Variants in GRM8 observed in about 807,000 individuals in gnomAD.
GRM8 encodes the protein glutamate metabotropic receptor 8.
GRM8 carries 47 observed loss-of-function variants against 87.2 expected under a neutral mutation model. The ratio of observed to expected loss-of-function variants is 0.54; its 90% CI spans 0.43 to 0.69. The LOEUF is 0.69. Among genes scored for constraint, GRM8 ranks in the 30% least tolerant of loss-of-function variants. GRM8 has a pLI of 0.00. For synonymous variants in GRM8, 396 were observed against 404.5 expected, an observed-to-expected ratio of 0.98 and a Z score of 0.25; for missense variants, 1,019 against 1,139.2, an observed-to-expected ratio of 0.89 and a Z score of 1.52.
chr7:127,221,602 G>C (rs10275104), intron 2 of GRM8, among the ~76,000 whole-genome samples: 4,323 of 152,212 alleles, frequency 0.028, 206 homozygotes, highest in African/African-American at 0.098. Context: ...CTCAGAATGG[G>C]CCTCACCTGA....
At chr7:126,795,517 C>A (rs1379306351) in intron 6 of GRM8, among the ~76,000 whole-genome samples, 1 of 152,014 alleles carries the variant, frequency 6.6e-6, no homozygotes, top group African/African-American at 2.4e-5. Flanking sequence ...CAGCTAAATT[C>A]TTTTATAATT....
intron 2 of GRM8, among the ~76,000 whole-genome samples, chr7:127,141,969 A>C (rs1215446908): frequency 2.0e-5 from 3 of 151,850 alleles, no homozygotes; most frequent in Non-Finnish European, 4.4e-5. Context: ...ATACTAGTTG[A>C]CTTGTCTGTT....
intron 7 of GRM8, among the ~76,000 whole-genome samples, chr7:126,634,201 T>A (rs1230266539): frequency 6.6e-6 from 1 of 152,158 alleles, no homozygotes; most frequent in Non-Finnish European, 1.5e-5. Flanking sequence ...TTAAGATTGA[T>A]TAGAAGTGTT....
chr7:127,210,892 G>C (rs549754356), intron 2 of GRM8, among the ~76,000 whole-genome samples: 1 of 152,312 alleles, frequency 6.6e-6, no homozygotes, highest in East Asian at 1.9e-4. Flanking sequence ...TAGGTACCAA[G>C]TTACTATAGG....
intron 3 of GRM8, among the ~76,000 whole-genome samples, chr7:127,019,060 G>T (rs1415211647): frequency 6.6e-6 from 1 of 151,970 alleles, no homozygotes; most frequent in Non-Finnish European, 1.5e-5. Flanking sequence ...TATTGTTAAG[G>T]AAGTGATCAA....
At chr7:126,853,189 G>T (rs951434962) in intron 6 of GRM8, among the ~76,000 whole-genome samples, 1 of 152,272 alleles carries the variant, frequency 6.6e-6, no homozygotes, top group East Asian at 1.9e-4. Context: ...TGGCCTTAGA[G>T]GATGAAAGAA....
chr7:127,245,035 A>G (rs1294969410), intron 1 of GRM8, among the ~76,000 whole-genome samples: 3 of 152,164 alleles, frequency 2.0e-5, no homozygotes, highest in Admixed American at 1.3e-4. Context: ...AGTCCCTCAC[A>G]CTGGATTCTC....
chr7:126,526,001 T>C (rs192795962), intron 9 of GRM8, among the ~76,000 whole-genome samples: 1 of 152,298 alleles, frequency 6.6e-6, no homozygotes, highest in Non-Finnish European at 1.5e-5. Flanking sequence ...TTAAGGTAGG[T>C]GGTACTAACC....
intron 7 of GRM8, among the ~76,000 whole-genome samples, chr7:126,683,052 A>AC (rs1283236897): frequency 6.6e-6 from 1 of 152,198 alleles, no homozygotes; most frequent in African/African-American, 2.4e-5. Flanking sequence ...CTGTCTCAAA[A>AC]AAAACAAAAC....
At chr7:126,983,090 G>C (rs1481115417) in intron 3 of GRM8, among the ~76,000 whole-genome samples, 2 of 152,158 alleles carry the variant, frequency 1.3e-5, no homozygotes, top group Non-Finnish European at 2.9e-5. Flanking sequence ...TGACTTAAAG[G>C]TAGGAGGAGC....
At chr7:127,098,908 GTGTGCTGCCATAC>G (rs1181884978) in intron 3 of GRM8, among the ~76,000 whole-genome samples, 4 of 152,118 alleles carry the variant, frequency 2.6e-5, no homozygotes, top group Non-Finnish European at 4.4e-5. Flanking sequence ...ATTAAAGAAG[GTGTGCTGCCATAC>G]TGTGCAAATC....
At chr7:126,829,683 G>T (rs928972456) in intron 6 of GRM8, among the ~76,000 whole-genome samples, 3 of 151,940 alleles carry the variant, frequency 2.0e-5, no homozygotes, top group Middle Eastern at 3.2e-3. Flanking sequence ...CTTTTAATTG[G>T]AGCATTTAGT....
At chr7:126,678,634 A>T (rs1048514963) in intron 7 of GRM8, among the ~76,000 whole-genome samples, 6 of 152,316 alleles carry the variant, frequency 3.9e-5, no homozygotes, top group Admixed American at 3.9e-4. Flanking sequence ...GTCAAAAAAA[A>T]TTATTTTGTA....
intron 3 of GRM8, among the ~76,000 whole-genome samples, chr7:127,022,866 C>T (rs1030368782): frequency 6.6e-6 from 1 of 152,082 alleles, no homozygotes; most frequent in Non-Finnish European, 1.5e-5. Context: ...CACTTAATTT[C>T]TCTAAGCTTC....
At chr7:126,577,794 G>C (rs146228004) in intron 8 of GRM8, among the ~76,000 whole-genome samples, 79 of 152,040 alleles carry the variant, frequency 5.2e-4, no homozygotes, top group African/African-American at 1.8e-3. Context: ...TCCGTGGAAG[G>C]CCTCTCAATT....
chr7:127,136,156 T>C (rs1266494167), intron 2 of GRM8, among the ~76,000 whole-genome samples: 1 of 151,556 alleles, frequency 6.6e-6, no homozygotes, highest in Non-Finnish European at 1.5e-5. Flanking sequence ...AAAAATAACA[T>C]GAATGTCACA....
At chr7:126,833,430 G>A (rs368492333) in intron 6 of GRM8, among the ~76,000 whole-genome samples, 1 of 152,198 alleles carries the variant, frequency 6.6e-6, no homozygotes, top group Non-Finnish European at 1.5e-5. Context: ...TGTTCAGTCT[G>A]CTATACCAAA....
chr7:127,015,539 C>T (rs1320217829), intron 3 of GRM8, among the ~76,000 whole-genome samples: 13 of 152,072 alleles, frequency 8.5e-5, no homozygotes, highest in African/African-American at 9.7e-5. Flanking sequence ...CATCTGTTGA[C>T]CTTAAACCAT....
intron 7 of GRM8, among the ~76,000 whole-genome samples, chr7:126,702,098 A>C (rs1173687770): frequency 6.6e-6 from 1 of 152,230 alleles, no homozygotes; most frequent in Non-Finnish European, 1.5e-5. Flanking sequence ...AACTCAATTC[A>C]GCAACACATT....
Sources: allele counts gnomAD v4.1 joint callset (sites outside exome capture counted in the v4.1 genomes callset), GRCh38; gene constraint gnomAD v4.1.1; transcripts MANE v1.5; gene names NCBI Gene and HGNC (gene_info 2026-07-23, HGNC 2026-07-21).